GLMN: variants seen among roughly 807,000 people sequenced by gnomAD.
GLMN encodes the protein glomulin.
Under a neutral mutation model 87.8 loss-of-function variants are expected in GLMN, and 75 were observed. The ratio of observed to expected loss-of-function variants is 0.85; its 90% CI spans 0.71 to 1.04. The LOEUF is 1.04. Among genes scored for constraint, GLMN ranks in the 50% least tolerant of loss-of-function variants. The pLI, the probability that GLMN is intolerant of heterozygous loss-of-function variation, is 0.00. For missense variants in GLMN, 588 were observed against 658.8 expected, an observed-to-expected ratio of 0.89 and a Z score of 1.18; for synonymous variants, 206 against 221.6, an observed-to-expected ratio of 0.93 and a Z score of 0.63.
chr1:92,325,081 A>C, the GLMN span, among the ~76,000 whole-genome samples: 9 of 152,312 alleles, frequency 5.9e-5, no homozygotes, highest in Admixed American at 2.0e-4. Flanking sequence ...CTCAGTAAAT[A>C]GTACCCATAT....
At chr1:92,324,753 G>C in the GLMN span, among the ~76,000 whole-genome samples, 1 of 152,090 alleles carries the variant, frequency 6.6e-6, no homozygotes, top group Admixed American at 6.6e-5. Flanking sequence ...TTTAATGGAA[G>C]TATATGCCAT....
the GLMN span, among the ~76,000 whole-genome samples, chr1:92,358,943 T>C: frequency 1.9e-3 from 294 of 152,316 alleles, 3 homozygotes; most frequent in Admixed American, 0.016. Context: ...ACCTATCCTT[T>C]GTTCTTGACC....
At chr1:92,339,001 G>A in the GLMN span, among the ~76,000 whole-genome samples, 1 of 152,114 alleles carries the variant, frequency 6.6e-6, no homozygotes, top group African/African-American at 2.4e-5. Context: ...AAGTTATGCT[G>A]TACATATCAG....
chr1:92,369,398 C>G, the GLMN span, among the ~76,000 whole-genome samples: 1 of 152,120 alleles, frequency 6.6e-6, no homozygotes, highest in Non-Finnish European at 1.5e-5. Flanking sequence ...GTCAAGTTTA[C>G]AAGTTGTGGG....
intron 7 of GLMN, among the ~76,000 whole-genome samples, chr1:92,286,060 A>C (rs962681594): frequency 1.3e-5 from 2 of 152,016 alleles, no homozygotes; most frequent in African/African-American, 4.8e-5. Context: ...TTAAAAAAAG[A>C]AAACTTGGAG....
chr1:92,263,747 A>G lies in GLMN; in HGVS notation c.1300-15T>C, dbSNP rs779579108. ...TTACGTGTTCTCTGAAAAGCAAACG[A>G]AAAATTGAGAAAGCTTTATAATTCA... On this transcript the variant is annotated splice_polypyrimidine_tract_variant and intron_variant, in intron 14 of 18. Transcript: ENST00000370360. The G allele has an allele frequency of 5.1e-5, 60 of 1,176,816 alleles. No individual in the cohort carries two copies. The highest frequency in any genetic ancestry group is 7.4e-5 in the Non-Finnish European group (58 of 780,398). 72.9% of individuals were successfully genotyped at this position (1,176,816 alleles called of 1,614,324 possible).
upstream of GLMN, among the ~76,000 whole-genome samples, chr1:92,303,691 C>T (rs570378307): frequency 6.6e-6 from 1 of 152,260 alleles, no homozygotes; most frequent in African/African-American, 2.4e-5. Context: ...TCACTTCTTC[C>T]TCATGCCTCA....
intron 3 of GLMN, among the ~76,000 whole-genome samples, chr1:92,292,462 G>A (rs1649516745): frequency 6.6e-6 from 1 of 151,954 alleles, no homozygotes; most frequent in African/African-American, 2.4e-5. Flanking sequence ...CCAGGCTGGA[G>A]TGCAGTGGCG....
the GLMN span, among the ~76,000 whole-genome samples, chr1:92,309,701 G>T: frequency 1.3e-5 from 2 of 152,270 alleles, no homozygotes; most frequent in African/African-American, 2.4e-5. Context: ...AGTTTGTGTT[G>T]ACTTTAATGG....
the GLMN span, chr1:92,304,009 TGTC>T: frequency 1.2e-6 from 2 of 1,613,026 alleles, no homozygotes; most frequent in Non-Finnish European, 1.7e-6. Context: ...ACTACAGTGA[TGTC>T]GTGGATGAAC....
the GLMN span, among the ~76,000 whole-genome samples, chr1:92,327,007 T>C: frequency 3.7e-4 from 57 of 152,366 alleles, no homozygotes; most frequent in African/African-American, 1.3e-3. Flanking sequence ...AAAGTTCAGC[T>C]GGCCTATCAT....
At chr1:92,346,194 C>T in the GLMN span, among the ~76,000 whole-genome samples, 7 of 149,724 alleles carry the variant, frequency 4.7e-5, no homozygotes, top group Non-Finnish European at 8.9e-5. Flanking sequence ...GACAGGGTCT[C>T]GCTCTGTTGC....
At chr1:92,326,554 C>T in the GLMN span, among the ~76,000 whole-genome samples, 12 of 152,104 alleles carry the variant, frequency 7.9e-5, no homozygotes, top group South Asian at 4.1e-4. Context: ...CTTCAGCTAC[C>T]GGAGTGGGTA....
chr1:92,279,456 CAA>C (rs35221344), intron 7 of GLMN, among the ~76,000 whole-genome samples: 2 of 70,870 alleles, frequency 2.8e-5, no homozygotes, highest in Non-Finnish European at 5.4e-5. Flanking sequence ...GACTCTGTCA[CAA>C]AAAAAAAAAA....
the GLMN span, among the ~76,000 whole-genome samples, chr1:92,318,916 GA>G: frequency 6.6e-6 from 1 of 152,158 alleles, no homozygotes; most frequent in Non-Finnish European, 1.5e-5. Flanking sequence ...TATGGAAGTT[GA>G]AAATGATGAG....
the GLMN span, among the ~76,000 whole-genome samples, chr1:92,362,604 G>A: frequency 2.4e-4 from 37 of 152,266 alleles, no homozygotes; most frequent in South Asian, 7.5e-3. Context: ...AATTCCGAGT[G>A]CAGCAAAAGC....
intron 16 of GLMN, among the ~76,000 whole-genome samples, chr1:92,253,479 AC>A (rs928995910): frequency 7.9e-5 from 12 of 152,202 alleles, no homozygotes; most frequent in African/African-American, 2.6e-4. Flanking sequence ...ATAGGGAGAC[AC>A]CTCCCAGCAG....
At chr1:92,353,608 T>C in the GLMN span, among the ~76,000 whole-genome samples, 193 of 152,338 alleles carry the variant, frequency 1.3e-3, no homozygotes, top group Non-Finnish European at 2.0e-3. Flanking sequence ...GATTCCTCAG[T>C]ATCCATAAAA....
the GLMN span, among the ~76,000 whole-genome samples, chr1:92,314,405 T>A: frequency 6.6e-6 from 1 of 151,180 alleles, no homozygotes; most frequent in Non-Finnish European, 1.5e-5. Flanking sequence ...GTTGCATACA[T>A]TTTTACATTT....
Sources: gnomAD v4.1 joint callset for allele counts (sites outside exome capture counted in the v4.1 genomes callset) on GRCh38, gnomAD v4.1.1 for gene constraint, MANE v1.5 for transcripts, NCBI Gene and HGNC (gene_info 2026-07-23, HGNC 2026-07-21) for gene names.